The following PLCB4 variants were observed in gnomAD, a reference collection of about 807,000 sequenced individuals.
PLCB4 encodes the protein 1-phosphatidylinositol 4,5-bisphosphate phosphodiesterase beta-4.
A neutral mutation model predicts 178.8 loss-of-function variants in PLCB4; 77 were observed. The observed-to-expected ratio is 0.43, with a 90% CI of 0.36 to 0.52. PLCB4 has a LOEUF of 0.52. Among genes scored for constraint, PLCB4 ranks in the 20% least tolerant of loss-of-function variants. The pLI, the probability that PLCB4 is intolerant of heterozygous loss-of-function variation, is 0.00. For missense variants in PLCB4, 1,024 were observed against 1,453.4 expected (o/e 0.70, Z 4.80); for synonymous variants, 496 against 490.8 (o/e 1.01, Z -0.14).
chr20:9,238,541 C>T (rs1235598222), intron 3 of PLCB4, among the ~76,000 whole-genome samples: 1 of 152,166 alleles, frequency 6.6e-6, no homozygotes, highest in Non-Finnish European at 1.5e-5. Flanking sequence ...ACGCTGTCAC[C>T]AGGCAAGGCC....
At chr20:9,383,365 G>GAA (rs2037308392) in intron 13 of PLCB4, among the ~76,000 whole-genome samples, 2 of 152,192 alleles carry the variant, frequency 1.3e-5, no homozygotes, top group Admixed American at 1.3e-4. Flanking sequence ...CCACACTGGT[G>GAA]TAGGCCCGTG....
intron 35 of PLCB4, 51 bp from the exon 36 acceptor site, chr20:9,468,520 A>G (rs777657601): frequency 8.8e-7 from 1 of 1,138,644 alleles, no homozygotes; most frequent in East Asian, 2.3e-5. Flanking sequence ...CCCATTAAAC[A>G]CAAACTCTCC....
At chr20:9,294,903 C>T (rs2094616462) in intron 3 of PLCB4, among the ~76,000 whole-genome samples, 1 of 152,062 alleles carries the variant, frequency 6.6e-6, no homozygotes, top group Admixed American at 6.6e-5. Flanking sequence ...TAGTCTTTCC[C>T]CTATGCTCCC....
In PLCB4 at chr20:9,471,583, GA is replaced by G. The variant is rs1445931001; in HGVS notation, c.3351-1203del. Among the ~76,000 whole-genome samples the G allele has an allele frequency of 1.7e-4, 26 of 152,284 alleles. No homozygotes were observed. The Middle Eastern group carries it at 0.014, about 80-fold the overall frequency. On this transcript the variant is annotated intron_variant, in intron 36 of 39. Transcript: ENST00000378473. Reference sequence around the variant, plus strand: ...ATATCCAAAACTGACTGAAAATGGAGAAAACCTGAACAGACTGGCAATTATT... The same window carrying G: ...ATATCCAAAACTGACTGAAAATGGAGAAACCTGAACAGACTGGCAATTATT...
intron 2 of PLCB4, among the ~76,000 whole-genome samples, chr20:9,211,770 T>G (rs2093675499): frequency 6.6e-6 from 1 of 152,246 alleles, no homozygotes; most frequent in African/African-American, 2.4e-5. Flanking sequence ...GATTCCATTT[T>G]CTATAAATAG....
intron 7 of PLCB4, among the ~76,000 whole-genome samples, chr20:9,345,920 A>T (rs1375853519): frequency 1.3e-5 from 2 of 152,210 alleles, no homozygotes; most frequent in African/African-American, 4.8e-5. Flanking sequence ...TGAAAGACTT[A>T]CTGCAATGGT....
intron 35 of PLCB4, among the ~76,000 whole-genome samples, chr20:9,466,872 G>C (rs532639269): frequency 6.6e-6 from 1 of 152,150 alleles, no homozygotes; most frequent in Admixed American, 6.5e-5. Context: ...ACAGTGTGGC[G>C]ATTCCTCAAG....
Position 9,307,898 on chromosome 20 carries a change from G to A in PLCB4, c.84G>A (p.Glu28=). Residue 28 remains glutamate (E), a splice_region_variant and synonymous_variant, in exon 4 of 40, where the codon GAG becomes GAA. Coordinates refer to ENST00000378473, the MANE Select transcript of PLCB4 (RefSeq NM_001377142.1). ...QEGAVFDRYE[E]ESFVFEPNCL... is the part of the protein sequence containing the mutation. The stretch of plus-strand genomic sequence containing the variant: ...GAGCAGTTTTTGACAGATACGAGGA[G>A]GTAAAGAAGTGTTATTAATCTTTTC... 7.6e-7 allele frequency: 1 copy of A among 1,309,320 alleles called. No individual in the cohort carries two copies. Among genetic ancestry groups the A allele is most frequent in the Non-Finnish European group, 1.1e-6 (1 of 913,142 alleles). The allele number at this position is 1,309,320 out of a possible 1,614,324, so 81.1% of individuals were successfully genotyped here. A position where few individuals can be genotyped will look rare whatever the true frequency, so the allele number is the denominator to read the frequency against.
intron 3 of PLCB4, among the ~76,000 whole-genome samples, chr20:9,270,784 A>C (rs554146771): frequency 6.6e-6 from 1 of 152,238 alleles, no homozygotes; most frequent in African/African-American, 2.4e-5. Flanking sequence ...GCTACCTAGA[A>C]TGTACCAAGT....
intron 2 of PLCB4, among the ~76,000 whole-genome samples, chr20:9,104,755 A>G (rs2091301016): frequency 6.6e-6 from 1 of 151,728 alleles, no homozygotes; most frequent in Non-Finnish European, 1.5e-5. Flanking sequence ...TATCCCTTTA[A>G]TCTCTTCACA....
At chr20:9,310,747 G>A (rs1389079080) in intron 4 of PLCB4, among the ~76,000 whole-genome samples, 3 of 152,066 alleles carry the variant, frequency 2.0e-5, no homozygotes, top group Non-Finnish European at 4.4e-5. Flanking sequence ...AAAGGGAGCA[G>A]GGAGTAAGCA....
intron 4 of PLCB4, among the ~76,000 whole-genome samples, chr20:9,325,186 C>T (rs754998717): frequency 1.1e-3 from 166 of 152,250 alleles, no homozygotes; most frequent in Non-Finnish European, 2.1e-3. Context: ...AGCACGTCTC[C>T]TGTTTTTCTT....
In PLCB4 at chr20:9,150,874, T is replaced by C. The variant is rs78558470; in HGVS notation, c.-79+54532T>C. 3.9e-5 allele frequency among the ~76,000 whole-genome samples: 6 copies of C among 152,312 alleles called. No individual in the cohort carries two copies. In the East Asian group the frequency reaches 9.7e-4, roughly 25 times the overall value. The stretch of plus-strand genomic sequence containing the variant: ...GGTAGAAACATTTCAGCTGTTGCCA[T>C]AAAAATCTTCCCCCAAATGGCTTTG... On this transcript the variant is annotated intron_variant, in intron 2 of 39. Coordinates refer to ENST00000378473, the MANE Select transcript of PLCB4 (RefSeq NM_001377142.1).
intron 3 of PLCB4, among the ~76,000 whole-genome samples, chr20:9,220,478 A>G (rs2093784629): frequency 6.6e-6 from 1 of 151,984 alleles, no homozygotes; most frequent in African/African-American, 2.4e-5. Flanking sequence ...CTAAAAATAC[A>G]AAAAAAAGTT....
chr20:9,390,013 A>G, intron 16 of PLCB4, 55 bp downstream of exon 16: 1 of 885,600 alleles, frequency 1.1e-6, no homozygotes, highest in Non-Finnish European at 1.9e-6. Context: ...CCTAACCCCT[A>G]ATGCCCACTC....
rs1371634471 is a variant in PLCB4 at position 9,238,237 on chromosome 20, TTGAACTC to T, written c.-16+20790_-16+20796del. On this transcript the variant is annotated intron_variant, in intron 3 of 39. Coordinates refer to ENST00000378473, the MANE Select transcript of PLCB4 (RefSeq NM_001377142.1). Reference sequence around the variant, plus strand: ...AGTGCCAGCATATACTGTTTTAACATTGAACTCTGAAGGAGTTCTGTTGTCACTTCAA... The same window carrying T: ...AGTGCCAGCATATACTGTTTTAACATTGAAGGAGTTCTGTTGTCACTTCAA... Among the ~76,000 whole-genome samples the T allele has an allele frequency of 1.1e-4, 16 of 152,214 alleles. No homozygotes were observed. In the East Asian group the frequency reaches 3.1e-3, roughly 29 times the overall value.
At chr20:9,409,800 T>G (rs2039727269) in intron 24 of PLCB4, among the ~76,000 whole-genome samples, 1 of 152,212 alleles carries the variant, frequency 6.6e-6, no homozygotes, top group Non-Finnish European at 1.5e-5. Context: ...TTTTTATAAT[T>G]GATAAACACA....
At chr20:9,253,768 C>T (rs1028410248) in intron 3 of PLCB4, among the ~76,000 whole-genome samples, 1 of 152,200 alleles carries the variant, frequency 6.6e-6, no homozygotes, top group African/African-American at 2.4e-5. Context: ...CCCATGTTCA[C>T]TTCCCAGGTT....
chr20:9,428,729 G>A (rs1033886083), intron 28 of PLCB4, among the ~76,000 whole-genome samples: 21 of 152,002 alleles, frequency 1.4e-4, no homozygotes, highest in Middle Eastern at 3.2e-3. Context: ...AGAGGGGAAC[G>A]GGAGGGAACC....
Sources: allele counts gnomAD v4.1 joint callset (sites outside exome capture counted in the v4.1 genomes callset), GRCh38; gene constraint gnomAD v4.1.1; transcripts MANE v1.5; gene names NCBI Gene and HGNC (gene_info 2026-07-23, HGNC 2026-07-21).